Variants in YWHAZ observed in about 807,000 individuals in gnomAD.
YWHAZ encodes tyrosine 3-monooxygenase/tryptophan 5-monooxygenase activation protein zeta.
For missense variants in YWHAZ, 79 were observed against 284.8 expected (o/e 0.28, Z 5.20); for synonymous variants, 87 against 103.6 (o/e 0.84, Z 0.97).
intron 2 of YWHAZ, among the ~76,000 whole-genome samples, chr8:100,946,393 T>C (rs1301783859): frequency 6.6e-6 from 1 of 152,012 alleles, no homozygotes; most frequent in Non-Finnish European, 1.5e-5. Flanking sequence ...TTACTAAAAG[T>C]ACAAAAATTA....
At chr8:100,926,341 A>G (rs912252020) in intron 2 of YWHAZ, among the ~76,000 whole-genome samples, 3 of 152,190 alleles carry the variant, frequency 2.0e-5, no homozygotes, top group Non-Finnish European at 2.9e-5. Context: ...TTATTAACCG[A>G]TATTTAAAAA....
chr8:100,932,575 C>T (rs1352420018), intron 2 of YWHAZ, among the ~76,000 whole-genome samples: 3 of 152,082 alleles, frequency 2.0e-5, no homozygotes. Flanking sequence ...CATTTTTGCT[C>T]CAAAGCTTCA....
intron 2 of YWHAZ, among the ~76,000 whole-genome samples, chr8:100,934,560 G>T (rs1271904885): frequency 4.6e-5 from 7 of 151,878 alleles, no homozygotes; most frequent in African/African-American, 1.7e-4. Flanking sequence ...AATTAGCTGG[G>T]TGTGGTGGCA....
chr8:100,950,721 C>A (rs1810679871), intron 1 of YWHAZ: 12 of 509,776 alleles, frequency 2.4e-5, no homozygotes, highest in Admixed American at 6.4e-5. Context: ...CACAGCAGCC[C>A]GCAGAAGCGG....
At chr8:100,934,018 C>T (rs2130217940) in intron 2 of YWHAZ, among the ~76,000 whole-genome samples, 1 of 151,826 alleles carries the variant, frequency 6.6e-6, no homozygotes, top group South Asian at 2.1e-4. Flanking sequence ...ATGAGGTGGG[C>T]ATGGTGGTGC....
At chr8:100,921,174 C>T (rs1313661818) in intron 5 of YWHAZ, among the ~76,000 whole-genome samples, 6 of 152,214 alleles carry the variant, frequency 3.9e-5, no homozygotes, top group Middle Eastern at 3.4e-3. Context: ...GCTGGGACTA[C>T]AGGCATGTGC....
intron 2 of YWHAZ, among the ~76,000 whole-genome samples, chr8:100,940,155 T>C (rs1478482874): frequency 1.3e-5 from 2 of 151,612 alleles, no homozygotes; most frequent in African/African-American, 2.4e-5. Flanking sequence ...AACTTAAAAA[T>C]TATTGACACT....
rs1051793837 is a variant in YWHAZ, at chr8:100,924,802, C to A, written c.418+114G>T. 3 of 1,341,944 alleles carry A rather than the reference C, an allele frequency of 2.2e-6. No homozygotes were observed. Among genetic ancestry groups the A allele is most frequent in the African/African-American group, 2.9e-5 (2 of 68,254 alleles). 83.1% of individuals were successfully genotyped at this position (1,341,944 alleles called of 1,614,324 possible). On this transcript the variant is annotated intron_variant, in intron 3 of 5. Transcript: ENST00000395958. This position sits in a 1 kb window ranked among gnomAD's most constrained non-coding sequence, Gnocchi z 5.7. Reference sequence around the variant, plus strand: ...TCTCAGAACACAAAGAGCACTGCTACTCCTTATTCGGCACTCTAAGCAATT... The same window carrying A: ...TCTCAGAACACAAAGAGCACTGCTAATCCTTATTCGGCACTCTAAGCAATT...
rs1812809412 is a variant in YWHAZ at position 100,918,437 on chromosome 8, TATATATA to T, written c.*2249_*2255del. On this transcript the variant is annotated 3_prime_UTR_variant, in exon 6 of 6. Transcript: ENST00000395958. ...ATATATATATATATATATATATATA[TATATATA>T]ATTATTTTACCTCCTTGGCTTGGGG... 2 of 110,826 alleles carry T rather than the reference TATATATA, an allele frequency of 1.8e-5. No homozygotes were observed. The highest frequency in any genetic ancestry group is 6.1e-4 in the South Asian group (2 of 3,284). The allele number at this position is 110,826 out of a possible 1,614,324, so 6.9% of individuals were successfully genotyped here.
rs568453167 is a variant in YWHAZ, at chr8:100,920,807, G to A, written c.679-55C>T. ...AGTTTCAGTGGGATGGGGGGGGGGG[G>A]GCGTTTTCATATAAGTGCCAAGATA... is the stretch of plus-strand genomic sequence containing the variant. On this transcript the variant is annotated intron_variant, in intron 5 of 5. Coordinates refer to ENST00000395958, the MANE Select transcript of YWHAZ (RefSeq NM_145690.3). The A allele has an allele frequency of 6.7e-5, 33 of 493,952 alleles. 6 individuals carry two copies. The highest frequency in any genetic ancestry group is 5.9e-5 in the Non-Finnish European group (16 of 273,116). 30.6% of individuals were successfully genotyped at this position (493,952 alleles called of 1,614,324 possible). A position where few individuals can be genotyped will look rare whatever the true frequency, so the allele number is the denominator to read the frequency against.
Position 100,920,277 on chromosome 8 carries a change from A to C in YWHAZ, c.*416T>G. 5.7e-6 allele frequency: 1 copy of C among 175,190 alleles called. No individual in the cohort carries two copies. The highest frequency in any genetic ancestry group is 1.2e-5 in the Non-Finnish European group (1 of 81,788). 10.9% of individuals were successfully genotyped at this position (175,190 alleles called of 1,614,324 possible). ...CAGCCTTGTAAGTGCTCCAAACCTT[A>C]AAGTACCCACAATTACTACACCTGT... On this transcript the variant is annotated 3_prime_UTR_variant, in exon 6 of 6. Transcript: ENST00000395958.
In YWHAZ at chr8:100,948,178, G is replaced by C. The variant is rs1326210563; in HGVS notation, c.294+418C>G. 1 of 1,513,488 alleles carries C rather than the reference G, an allele frequency of 6.6e-7. No homozygotes were observed. The highest frequency in any genetic ancestry group is 8.8e-7 in the Non-Finnish European group (1 of 1,134,028). The allele number at this position is 1,513,488 out of a possible 1,614,324, so 93.8% of individuals were successfully genotyped here. On this transcript the variant is annotated intron_variant, in intron 2 of 5. Coordinates refer to ENST00000395958, the MANE Select transcript of YWHAZ (RefSeq NM_145690.3). The surrounding 1 kb of genome is among the most constrained non-coding windows in gnomAD (Gnocchi z 4.2). ...ACATTATAGCGGCTAATCCTGAGAA[G>C]AGTACTATTTCTACAATGAGTATCC...
intron 1 of YWHAZ, 42 bp downstream of exon 1, chr8:100,951,887 C>A: frequency 1.0e-6 from 1 of 992,132 alleles, no homozygotes; most frequent in Non-Finnish European, 1.2e-6. Flanking sequence ...GAAGGCTGGC[C>A]TGGGACAGGA....
chr8:100,925,167 T>G, intron 2 of YWHAZ, 128 bp from the exon 3 acceptor site: 1 of 960,650 alleles, frequency 1.0e-6, no homozygotes, highest in Non-Finnish European at 1.5e-6. Flanking sequence ...GTCAATACAA[T>G]TGTGAATGCA....
intron 2 of YWHAZ, among the ~76,000 whole-genome samples, chr8:100,941,076 T>A (rs897590959): frequency 6.6e-6 from 1 of 152,214 alleles, no homozygotes; most frequent in African/African-American, 2.4e-5. Context: ...TTTCTAAACA[T>A]CTTCCTAACA....
chr8:100,919,955 G>T lies in YWHAZ; in HGVS notation c.*738C>A, dbSNP rs1356354116. The T allele has an allele frequency of 6.6e-6, 1 of 151,886 alleles. No homozygotes were observed. Among genetic ancestry groups the T allele is most frequent in the African/African-American group, 2.4e-5 (1 of 41,224 alleles). 9.4% of individuals were successfully genotyped at this position (151,886 alleles called of 1,614,324 possible). ...TTTTACTGCTGTGCTTGATATACATGAAGTAATGAATACCAAGCAATTCAT... is the reference window on the plus strand; with the variant it reads ...TTTTACTGCTGTGCTTGATATACATTAAGTAATGAATACCAAGCAATTCAT... On this transcript the variant is annotated 3_prime_UTR_variant, in exon 6 of 6. Coordinates refer to ENST00000395958, the MANE Select transcript of YWHAZ (RefSeq NM_145690.3).
Position 100,948,047 on chromosome 8 carries a change from T to C in YWHAZ, c.294+549A>G. The C allele has an allele frequency of 6.7e-7, 1 of 1,483,772 alleles. No individual in the cohort carries two copies. Among genetic ancestry groups the C allele is most frequent in the South Asian group, 1.2e-5 (1 of 81,634 alleles). The allele number at this position is 1,483,772 out of a possible 1,614,324, so 91.9% of individuals were successfully genotyped here. A position where few individuals can be genotyped will look rare whatever the true frequency, so the allele number is the denominator to read the frequency against. ...TCAAGCTTGAGTTGTTCATAACCTT[T>C]CATCATGGTTGTGAGTGTTCAAAAT... is the stretch of plus-strand genomic sequence containing the variant. On this transcript the variant is annotated intron_variant, in intron 2 of 5. Coordinates refer to ENST00000395958, the MANE Select transcript of YWHAZ (RefSeq NM_145690.3). The surrounding 1 kb of genome is among the most constrained non-coding windows in gnomAD (Gnocchi z 4.2).
Position 100,924,042 on chromosome 8 carries a change from A to G in YWHAZ, c.591T>C (p.Asp197=). The G allele has an allele frequency of 6.2e-7, 1 of 1,610,060 alleles. No homozygotes were observed. Among genetic ancestry groups the G allele is most frequent in the Non-Finnish European group, 8.5e-7 (1 of 1,178,968 alleles). Residue 197 remains aspartate (D), a synonymous_variant, in exon 5 of 6, where the codon GAT becomes GAC. Transcript: ENST00000395958. The surrounding 1 kb of genome is among the most constrained non-coding windows in gnomAD (Gnocchi z 5.7). ...ATGTATCAAGTTCAGCAATGGCTTC[A>G]TCAAAAGCCTACGATTTAAAAATAG... is the stretch of plus-strand genomic sequence containing the variant. The part of the protein sequence containing the change: ...KACSLAKTAF[D]EAIAELDTLS...
intron 2 of YWHAZ, among the ~76,000 whole-genome samples, chr8:100,925,861 ATG>A (rs1302763896): frequency 6.6e-6 from 1 of 152,214 alleles, no homozygotes; most frequent in Non-Finnish European, 1.5e-5. Context: ...GTCTCAATAA[ATG>A]TGTAATTTTT....
Sources: gnomAD v4.1 joint callset for allele counts (sites outside exome capture counted in the v4.1 genomes callset) on GRCh38, gnomAD v4.1.1 for gene constraint, Gnocchi (gnomAD v3.1) non-coding constraint, MANE v1.5 for transcripts, NCBI Gene and HGNC (gene_info 2026-07-23, HGNC 2026-07-21) for gene names.